The following OTOGL variants were observed in gnomAD, a reference collection of about 807,000 sequenced individuals.
OTOGL encodes the protein otogelin-like protein.
A neutral mutation model predicts 318.5 loss-of-function variants in OTOGL; 285 were observed. The ratio of observed to expected loss-of-function variants is 0.89; its 90% CI spans 0.81 to 0.99. The LOEUF is 0.99. Ranked by LOEUF, OTOGL falls within the 50% of genes least tolerant of loss-of-function variation. The probability of loss-of-function intolerance (pLI) is 0.00; values close to 1 mark genes in which losing one functional copy is unlikely to be tolerated. For missense variants in OTOGL, 2,899 were observed against 2,845.6 expected (o/e 1.02, Z -0.43); for synonymous variants, 987 against 936.5 (o/e 1.05, Z -0.99).
rs67970112 is a variant in OTOGL, at chr12:80,267,407, A to AT, written c.2465+87dup. The AT allele has an allele frequency of 0.087, 54,517 of 626,466 alleles. 2,325 individuals carry two copies. Among genetic ancestry groups the AT allele is most frequent in the Middle Eastern group, 0.11 (175 of 1,574 alleles). The allele number at this position is 626,466 out of a possible 1,614,324, so 38.8% of individuals were successfully genotyped here. On this transcript the variant is annotated intron_variant, in intron 22 of 58. Transcript: ENST00000547103. The stretch of plus-strand genomic sequence containing the variant: ...TTCTTTCTTTTATATATATATATAT[A>AT]TTTTTTTATTATACTTTAAGTTCTA...
intron 8 of OTOGL, among the ~76,000 whole-genome samples, chr12:80,231,959 T>A (rs1592580650): frequency 6.6e-6 from 1 of 152,090 alleles, no homozygotes; most frequent in East Asian, 1.9e-4. Flanking sequence ...TTAATAGAAA[T>A]GAGTTTTTTC....
chr12:80,186,097 T>A (rs1247656716), intron 1 of OTOGL, among the ~76,000 whole-genome samples: 4 of 152,226 alleles, frequency 2.6e-5, no homozygotes, highest in African/African-American at 9.7e-5. Context: ...TATATTTTTA[T>A]CTTTTACCCC....
chr12:80,124,325 T>C (rs147186578), intron 1 of OTOGL, among the ~76,000 whole-genome samples: 149 of 152,282 alleles, frequency 9.8e-4, no homozygotes, highest in African/African-American at 3.4e-3. Context: ...TTTTGTGAGG[T>C]TTGTCGAAGA....
chr12:80,225,741 A>AT, intron 7 of OTOGL, among the ~76,000 whole-genome samples: 1 of 152,084 alleles, frequency 6.6e-6, no homozygotes, highest in Middle Eastern at 3.4e-3. Flanking sequence ...AGTTAGCTGT[A>AT]TTTTTTCCAA....
intron 1 of OTOGL, among the ~76,000 whole-genome samples, chr12:80,147,040 G>A (rs1872428404): frequency 6.6e-6 from 1 of 150,930 alleles, no homozygotes; most frequent in Admixed American, 6.6e-5. Flanking sequence ...AGGGTTTTTT[G>A]TGTCTCTATT....
At chr12:80,372,566 A>T (rs1222565754) in intron 57 of OTOGL, among the ~76,000 whole-genome samples, 1 of 152,120 alleles carries the variant, frequency 6.6e-6, no homozygotes, top group Non-Finnish European at 1.5e-5. Flanking sequence ...AAATTTGGAT[A>T]ATATTTTAGT....
chr12:80,100,576 GT>G (rs1869079420), intron 1 of OTOGL, among the ~76,000 whole-genome samples: 1 of 152,110 alleles, frequency 6.6e-6, no homozygotes, highest in African/African-American at 2.4e-5. Flanking sequence ...AAAACACATT[GT>G]TTTTCAAACC....
intron 1 of OTOGL, among the ~76,000 whole-genome samples, chr12:80,156,307 C>G (rs1306024109): frequency 3.3e-5 from 5 of 152,222 alleles, no homozygotes; most frequent in Non-Finnish European, 7.3e-5. Context: ...AGTTCTTCAG[C>G]TTTGGAACTC....
At chr12:80,359,432 T>A (rs1408833367) in intron 52 of OTOGL, among the ~76,000 whole-genome samples, 2 of 152,204 alleles carry the variant, frequency 1.3e-5, no homozygotes, top group Non-Finnish European at 2.9e-5. Flanking sequence ...TTTGTTTTCT[T>A]TAACTATCTT....
At chr12:80,180,755 A>C (rs1874864513) in intron 1 of OTOGL, among the ~76,000 whole-genome samples, 1 of 152,190 alleles carries the variant, frequency 6.6e-6, no homozygotes, top group East Asian at 1.9e-4. Context: ...AGTGGCCCTG[A>C]CAGTGTCAAG....
intron 45 of OTOGL, among the ~76,000 whole-genome samples, chr12:80,352,788 C>T (rs146292938): frequency 1.3e-5 from 2 of 152,182 alleles, no homozygotes; most frequent in African/African-American, 2.4e-5. Flanking sequence ...ACCATCTGAG[C>T]ATTTAATTTT....
chr12:80,195,779 C>T (rs1048374936), intron 1 of OTOGL, among the ~76,000 whole-genome samples: 16 of 152,060 alleles, frequency 1.1e-4, no homozygotes, highest in African/African-American at 3.6e-4. Context: ...TTTTGTGAGC[C>T]GGTTGAAATC....
chr12:80,227,663 C>T (rs1592574175), intron 7 of OTOGL, among the ~76,000 whole-genome samples: 4 of 152,300 alleles, frequency 2.6e-5, no homozygotes, highest in Middle Eastern at 3.4e-3. Flanking sequence ...AATCCTCCAA[C>T]ATCTAGTCTG....
At chr12:80,303,500 A>G (rs1885911589) in intron 28 of OTOGL, among the ~76,000 whole-genome samples, 1 of 152,208 alleles carries the variant, frequency 6.6e-6, no homozygotes, top group Non-Finnish European at 1.5e-5. Flanking sequence ...TATTGTGTCT[A>G]GGTCTATAGA....
At chr12:80,366,532 A>ATATATATATATATAT (rs1566018778) in intron 52 of OTOGL, 42 bp from the exon 53 acceptor site, 22 of 123,040 alleles carry the variant, frequency 1.8e-4, no homozygotes, top group African/African-American at 6.0e-4. Context: ...TATATATATA[A>ATATATATATATATAT]AATAAGCTAA....
chr12:80,299,243 G>GT (rs1365409051), intron 27 of OTOGL, among the ~76,000 whole-genome samples: 1 of 152,182 alleles, frequency 6.6e-6, no homozygotes, highest in African/African-American at 2.4e-5. Flanking sequence ...ATGTTGACAT[G>GT]TTTTTAAAGT....
chr12:80,282,347 A>G (rs1370919714), intron 26 of OTOGL, among the ~76,000 whole-genome samples: 2 of 151,966 alleles, frequency 1.3e-5, no homozygotes, highest in Non-Finnish European at 2.9e-5. Context: ...TAAAAAATGA[A>G]TAGTAAAATC....
intron 43 of OTOGL, 34 bp downstream of exon 43, chr12:80,339,298 G>GTTTTTTTTTTTTTTTTTTTTT (rs10715159): frequency 1.5e-5 from 8 of 538,104 alleles, no homozygotes; most frequent in Non-Finnish European, 1.5e-5. Context: ...GATTTCGTCT[G>GTTTTTTTTTTTTTTTTTTTTT]TTTTTTTTTT....
In OTOGL at chr12:80,225,717, A is replaced by C. The variant is rs559616705; in HGVS notation, c.489+3472A>C. On this transcript the variant is annotated intron_variant, in intron 7 of 58. Transcript: ENST00000547103. ...CTTCCTTCAATGTTAAATATTCTTG[A>C]TACATCCAAATACAGTTAGCTGTAT... Among the ~76,000 whole-genome samples, 23 of 152,186 alleles carry C rather than the reference A, an allele frequency of 1.5e-4. No homozygotes were observed. The South Asian group carries it at 4.8e-3, about 32-fold the overall frequency.
Sources: allele counts gnomAD v4.1 joint callset (sites outside exome capture counted in the v4.1 genomes callset), GRCh38; gene constraint gnomAD v4.1.1; transcripts MANE v1.5; gene names NCBI Gene and HGNC (gene_info 2026-07-23, HGNC 2026-07-21).